The following CUL5 variants were observed in gnomAD, a reference collection of about 807,000 sequenced individuals.
CUL5 encodes the protein cullin-5.
In CUL5, 26 loss-of-function variants were observed where a neutral mutation model predicts 108.8. That is an observed-to-expected ratio of 0.24 (90% CI 0.18 to 0.33). CUL5 has a LOEUF of 0.33. Among genes scored for constraint, CUL5 ranks in the 10% least tolerant of loss-of-function variants. CUL5 has a pLI of 1.00. For synonymous variants in CUL5, 334 were observed against 298.0 expected (o/e 1.12, Z -1.25); for missense variants, 524 against 909.2 (o/e 0.58, Z 5.45).
Position 108,102,918 on chromosome 11 carries a change from C to T in CUL5, c.2149-1272C>T, listed in dbSNP as rs925039880. ...TCAAGCAATCCTCTTTCTTCAGCCT[C>T]CTGAATAGCGGGGACCACAGACACA... On this transcript the variant is annotated intron_variant, in intron 18 of 18. Coordinates refer to ENST00000393094, the MANE Select transcript of CUL5 (RefSeq NM_003478.6). Among the ~76,000 whole-genome samples the T allele has an allele frequency of 9.2e-5, 14 of 151,932 alleles. No individual in the cohort carries two copies. In the South Asian group the frequency reaches 2.7e-3, roughly 29 times the overall value.
chr11:108,064,137 A>G (rs550336561), intron 7 of CUL5, among the ~76,000 whole-genome samples: 7 of 152,150 alleles, frequency 4.6e-5, no homozygotes, highest in Non-Finnish European at 8.8e-5. Context: ...GTTTTTCTCC[A>G]TTCAGTATGA....
intron 13 of CUL5, 69 bp downstream of exon 13, chr11:108,089,692 A>G (rs1224729548): frequency 9.3e-6 from 8 of 856,902 alleles, no homozygotes; most frequent in Non-Finnish European, 1.3e-5. Context: ...CTTAAGTAAT[A>G]CATTTTGGAG....
At chr11:108,051,488 A>G (rs1038362571) in intron 4 of CUL5, among the ~76,000 whole-genome samples, 2 of 152,234 alleles carry the variant, frequency 1.3e-5, no homozygotes, top group Admixed American at 1.3e-4. Context: ...GGATTAAATG[A>G]GTTACATGCA....
chr11:108,032,598 TCTC>T (rs1862620449), intron 1 of CUL5, among the ~76,000 whole-genome samples: 9 of 151,908 alleles, frequency 5.9e-5, no homozygotes, highest in East Asian at 1.9e-4. Flanking sequence ...TCTCTCTCTC[TCTC>T]TGTTTTTGGC....
At chr11:108,020,035 C>T (rs554989181) in intron 1 of CUL5, among the ~76,000 whole-genome samples, 52 of 152,182 alleles carry the variant, frequency 3.4e-4, no homozygotes, top group African/African-American at 1.2e-3. Context: ...ACCACCCTGC[C>T]CCCACCCCCA....
chr11:108,027,587 T>C (rs1862482939), intron 1 of CUL5, among the ~76,000 whole-genome samples: 2 of 152,152 alleles, frequency 1.3e-5, no homozygotes, highest in African/African-American at 4.8e-5. Context: ...TTTTGTATTT[T>C]TAGTAGAGAC....
intron 4 of CUL5, among the ~76,000 whole-genome samples, chr11:108,051,185 CA>C (rs1465902828): frequency 6.6e-6 from 1 of 151,854 alleles, no homozygotes; most frequent in African/African-American, 2.4e-5. Flanking sequence ...GAAATCACTG[CA>C]ATATGGGAAA....
At position 108,072,322 on chromosome 11, in the gene CUL5, C is replaced by G. The variant is rs763502011; in HGVS notation, c.875-10C>G. ...TGAAATGATTACATGAATGTGTTCT[C>G]TCCTTCCAGAATTACATTTAATGTT... is the stretch of plus-strand genomic sequence containing the variant. On this transcript the variant is annotated splice_polypyrimidine_tract_variant and intron_variant, in intron 8 of 18. Coordinates refer to ENST00000393094, the MANE Select transcript of CUL5 (RefSeq NM_003478.6). 4.4e-6 allele frequency: 7 copies of G among 1,587,886 alleles called. No homozygotes were observed. In the South Asian group the frequency reaches 7.0e-5, roughly 16 times the overall value.
intron 7 of CUL5, among the ~76,000 whole-genome samples, chr11:108,064,561 A>G (rs1017424583): frequency 6.6e-6 from 1 of 152,062 alleles, no homozygotes. Context: ...AAATACAAAA[A>G]TTAGCGGGCG....
intron 1 of CUL5, among the ~76,000 whole-genome samples, chr11:108,026,075 A>G (rs1032841621): frequency 1.3e-5 from 2 of 152,178 alleles, no homozygotes; most frequent in African/African-American, 2.4e-5. Flanking sequence ...TTCACCTTGA[A>G]GTCCATTTTC....
chr11:108,018,683 AAGAG>A (rs370441097), intron 1 of CUL5, among the ~76,000 whole-genome samples: 181 of 149,380 alleles, frequency 1.2e-3, no homozygotes, highest in Admixed American at 5.2e-3. Context: ...TTAAAAAAAA[AAGAG>A]AGAGAGAAAC....
intron 10 of CUL5, among the ~76,000 whole-genome samples, chr11:108,077,016 T>G (rs1379690418): frequency 6.6e-6 from 1 of 152,192 alleles, no homozygotes; most frequent in Non-Finnish European, 1.5e-5. Context: ...AGAGAAAGAA[T>G]GGAGCTGGAA....
At chr11:108,103,769 T>A (rs1864725558) in intron 18 of CUL5, among the ~76,000 whole-genome samples, 1 of 152,144 alleles carries the variant, frequency 6.6e-6, no homozygotes, top group Non-Finnish European at 1.5e-5. Context: ...GAAGCAGAGG[T>A]AATTTTGCTT....
chr11:108,072,411 C>A lies in CUL5; in HGVS notation c.954C>A (p.Ile318=), dbSNP rs763128118. 5 of 1,612,576 alleles carry A rather than the reference C, an allele frequency of 3.1e-6. No homozygotes were observed. The South Asian group carries it at 5.5e-5, about 18-fold the overall frequency. ...EPMLKDLEEH[I]ISAGLADMVA... is the part of the protein sequence containing the mutation. ...TGTTGAAAGACTTGGAGGAACATAT[C>A]ATTAGTGCTGGCCTGGCAGATATGG... The change falls in exon 9 of 19, where the codon ATC becomes ATA. Residue 318 remains isoleucine, a synonymous_variant. Coordinates refer to ENST00000393094, the MANE Select transcript of CUL5 (RefSeq NM_003478.6).
intron 2 of CUL5, among the ~76,000 whole-genome samples, chr11:108,036,559 A>G (rs1481802894): frequency 1.3e-5 from 2 of 152,058 alleles, no homozygotes; most frequent in African/African-American, 4.8e-5. Context: ...GCTCACTGCA[A>G]CCTCCACCTC....
chr11:108,090,139 T>C (rs575748853), intron 13 of CUL5, among the ~76,000 whole-genome samples: 2 of 152,292 alleles, frequency 1.3e-5, no homozygotes, highest in African/African-American at 4.8e-5. Context: ...GAGTTGTTTC[T>C]ACTGTTTCAC....
rs1455397445 is a variant in CUL5, at chr11:108,089,475, CTT to C, written c.1312-15_1312-14del. On this transcript the variant is annotated splice_polypyrimidine_tract_variant and intron_variant, in intron 12 of 18. Coordinates refer to ENST00000393094, the MANE Select transcript of CUL5 (RefSeq NM_003478.6). ...AAGAGTATATAAGAACTGAAAGTAA[CTT>C]TATTTTTCATACAGCTCTTGGTACT... 1 of 1,525,302 alleles carries C rather than the reference CTT, an allele frequency of 6.6e-7. No homozygotes were observed. Among genetic ancestry groups the C allele is most frequent in the Non-Finnish European group, 8.8e-7 (1 of 1,137,730 alleles). 94.5% of individuals were successfully genotyped at this position (1,525,302 alleles called of 1,614,324 possible). A position where few individuals can be genotyped will look rare whatever the true frequency, so the allele number is the denominator to read the frequency against.
At chr11:108,037,072 A>T (rs1395494728) in intron 2 of CUL5, among the ~76,000 whole-genome samples, 1 of 150,870 alleles carries the variant, frequency 6.6e-6, no homozygotes, top group Non-Finnish European at 1.5e-5. Context: ...TCCACCCAAA[A>T]CTCACCTTTG....
chr11:108,068,868 A>G (rs564767219), intron 7 of CUL5, among the ~76,000 whole-genome samples: 86 of 152,198 alleles, frequency 5.7e-4, no homozygotes, highest in Middle Eastern at 3.4e-3. Flanking sequence ...CCATATCCCA[A>G]CCACCCACTC....
Sources: gnomAD v4.1 joint callset for allele counts (sites outside exome capture counted in the v4.1 genomes callset) on GRCh38, gnomAD v4.1.1 for gene constraint, MANE v1.5 for transcripts, NCBI Gene and HGNC (gene_info 2026-07-23, HGNC 2026-07-21) for gene names.